Variants in IGF2BP2 observed in about 807,000 individuals in gnomAD.
IGF2BP2 encodes insulin-like growth factor 2 mRNA-binding protein 2.
A neutral mutation model predicts 75.8 loss-of-function variants in IGF2BP2; 17 were observed. The ratio of observed to expected loss-of-function variants is 0.22; its 90% CI spans 0.15 to 0.34. The LOEUF (loss-of-function observed/expected upper bound fraction) is 0.34. Ranked by LOEUF, IGF2BP2 falls within the 10% of genes least tolerant of loss-of-function variation. The pLI, the probability that IGF2BP2 is intolerant of heterozygous loss-of-function variation, is 1.00. For synonymous variants in IGF2BP2, 288 were observed against 295.6 expected (o/e 0.97, Z 0.26); for missense variants, 516 against 772.4 (o/e 0.67, Z 3.93).
intron 12 of IGF2BP2, among the ~76,000 whole-genome samples, chr3:185,653,612 T>TAA (rs79345407): frequency 1.4e-5 from 2 of 141,642 alleles, no homozygotes; most frequent in African/African-American, 2.6e-5. Context: ...GACTCCGTCT[T>TAA]AAAAAAAAAA....
intron 2 of IGF2BP2, among the ~76,000 whole-genome samples, chr3:185,743,150 A>G (rs1417917224): frequency 6.8e-6 from 1 of 147,690 alleles, no homozygotes; most frequent in Non-Finnish European, 1.5e-5. Context: ...GGCAAACAAT[A>G]AAATTCATAC....
chr3:185,645,448 CTGGCT>C lies in IGF2BP2; in HGVS notation c.*78_*82del. On this transcript the variant is annotated 3_prime_UTR_variant, in exon 16 of 16. Transcript: ENST00000382199. The surrounding 1 kb of genome is among the most constrained non-coding windows in gnomAD (Gnocchi z 4.9). ...AGATGGTCTTTGGTTTGCTCCCGAT[CTGGCT>C]GGCTGCGTTTGGTCTCATTCTGTCA... 2.1e-6 allele frequency: 2 copies of C among 971,318 alleles called. No homozygotes were observed. The highest frequency in any genetic ancestry group is 3.3e-6 in the Non-Finnish European group (2 of 605,234). 60.2% of individuals were successfully genotyped at this position (971,318 alleles called of 1,614,324 possible). A position where few individuals can be genotyped will look rare whatever the true frequency, so the allele number is the denominator to read the frequency against.
chr3:185,821,140 A>G, intron 2 of IGF2BP2: 1 of 1,480,822 alleles, frequency 6.8e-7, no homozygotes, highest in Non-Finnish European at 8.9e-7. Flanking sequence ...CTGCAGTACA[A>G]GTAGCTAATT....
chr3:185,659,516 A>C (rs1560239480), intron 10 of IGF2BP2, among the ~76,000 whole-genome samples: 1 of 151,738 alleles, frequency 6.6e-6, no homozygotes, highest in Non-Finnish European at 1.5e-5. Flanking sequence ...CTGGGATTAC[A>C]GGCACCCCCC....
intron 2 of IGF2BP2, among the ~76,000 whole-genome samples, chr3:185,802,483 TG>T (rs1738416671): frequency 2.0e-5 from 3 of 152,234 alleles, no homozygotes; most frequent in Admixed American, 2.0e-4. Flanking sequence ...TTCTGTAACC[TG>T]TACTCTAGCT....
intron 2 of IGF2BP2, chr3:185,820,862 T>G (rs925927706): frequency 1.4e-5 from 9 of 628,874 alleles, no homozygotes. Context: ...CTTCCCATTT[T>G]CATTTCAACT....
At chr3:185,765,121 C>T (rs1293632755) in intron 2 of IGF2BP2, among the ~76,000 whole-genome samples, 1 of 152,138 alleles carries the variant, frequency 6.6e-6, no homozygotes, top group African/African-American at 2.4e-5. Context: ...AAGCACAAAA[C>T]ATCTTGTGAT....
intron 2 of IGF2BP2, among the ~76,000 whole-genome samples, chr3:185,802,181 A>C (rs1738379779): frequency 6.6e-6 from 1 of 152,010 alleles, no homozygotes. Flanking sequence ...AAAATTAGAA[A>C]AAAAAAAGAA....
At chr3:185,745,438 T>C (rs1056648689) in intron 2 of IGF2BP2, among the ~76,000 whole-genome samples, 4 of 152,096 alleles carry the variant, frequency 2.6e-5, no homozygotes, top group Admixed American at 6.5e-5. Flanking sequence ...TTATAAATAT[T>C]TACTGAACAA....
intron 1 of IGF2BP2, 185 bp from the exon 2 acceptor site, chr3:185,823,398 G>A (rs548781982): frequency 2.0e-6 from 1 of 490,294 alleles, no homozygotes; most frequent in South Asian, 3.8e-5. Flanking sequence ...CCCGTGTCTC[G>A]GGACAAGGCG....
intron 2 of IGF2BP2, among the ~76,000 whole-genome samples, chr3:185,744,682 G>A (rs552623853): frequency 1.1e-4 from 17 of 152,190 alleles, no homozygotes; most frequent in East Asian, 3.9e-4. Flanking sequence ...GGTGGCCGGC[G>A]CCTGTAATCT....
intron 12 of IGF2BP2, among the ~76,000 whole-genome samples, chr3:185,656,548 A>T (rs1392438526): frequency 1.3e-5 from 2 of 152,228 alleles, no homozygotes; most frequent in African/African-American, 2.4e-5. Flanking sequence ...ATGGTAGCAA[A>T]TTATTTTGCG....
rs1741301991 is a variant in IGF2BP2 at position 185,820,976 on chromosome 3, A to G, written c.239+2177T>C. 2.6e-6 allele frequency: 4 copies of G among 1,532,420 alleles called. No individual in the cohort carries two copies. In the East Asian group the frequency reaches 9.8e-5, roughly 38 times the overall value. The allele number at this position is 1,532,420 out of a possible 1,614,324, so 94.9% of individuals were successfully genotyped here. ...ACAAGAACACCAAAATAGTCTCCAT[A>G]TAACATAAAAGCTTTGGTTTCAAAT... On this transcript the variant is annotated intron_variant, in intron 2 of 15. Transcript: ENST00000382199.
intron 2 of IGF2BP2, chr3:185,821,015 G>A: frequency 1.3e-6 from 2 of 1,535,604 alleles, no homozygotes; most frequent in Non-Finnish European, 1.7e-6. Context: ...ACAGTACCCT[G>A]GATTTAGAAA....
intron 2 of IGF2BP2, among the ~76,000 whole-genome samples, chr3:185,733,179 C>A (rs906044888): frequency 1.1e-4 from 17 of 152,184 alleles, no homozygotes; most frequent in Admixed American, 5.2e-4. Context: ...TCTTGGAAAT[C>A]ATCTATTCTC....
intron 2 of IGF2BP2, among the ~76,000 whole-genome samples, chr3:185,790,634 T>C (rs906244143): frequency 1.3e-5 from 2 of 152,206 alleles, no homozygotes; most frequent in African/African-American, 2.4e-5. Flanking sequence ...CGTGTGAAAC[T>C]AGAGGAAGCT....
intron 2 of IGF2BP2, among the ~76,000 whole-genome samples, chr3:185,763,424 G>C (rs539997920): frequency 2.0e-5 from 3 of 152,108 alleles, no homozygotes; most frequent in African/African-American, 7.2e-5. Context: ...AGCATTTATG[G>C]ATATACTCAG....
chr3:185,677,068 TAG>T (rs71164535), intron 7 of IGF2BP2, among the ~76,000 whole-genome samples: 391 of 35,808 alleles, frequency 0.011, 5 homozygotes, highest in African/African-American at 0.043. Context: ...TATATATATA[TAG>T]AGAGAGAGAG....
chr3:185,695,271 G>A (rs905202020), intron 4 of IGF2BP2, among the ~76,000 whole-genome samples: 2 of 152,150 alleles, frequency 1.3e-5, no homozygotes, highest in African/African-American at 4.8e-5. Flanking sequence ...TAAACTAGCA[G>A]AATAGATCAT....
Sources: gnomAD v4.1 joint callset for allele counts (sites outside exome capture counted in the v4.1 genomes callset) on GRCh38, gnomAD v4.1.1 for gene constraint, Gnocchi (gnomAD v3.1) non-coding constraint, MANE v1.5 for transcripts, NCBI Gene and HGNC (gene_info 2026-07-23, HGNC 2026-07-21) for gene names.